Variants in DIAPH3 observed in about 807,000 individuals in gnomAD.
The protein encoded by DIAPH3 is protein diaphanous homolog 3.
DIAPH3 carries 117 observed loss-of-function variants against 144.3 expected under a neutral mutation model. The ratio of observed to expected loss-of-function variants is 0.81; its 90% CI spans 0.70 to 0.95. The LOEUF (loss-of-function observed/expected upper bound fraction) is 0.95. Ranked by LOEUF, DIAPH3 falls within the 40% of genes least tolerant of loss-of-function variation. The pLI, the probability that DIAPH3 is intolerant of heterozygous loss-of-function variation, is 0.00. For synonymous variants in DIAPH3, 519 were observed against 488.9 expected (o/e 1.06, Z -0.81); for missense variants, 1,421 against 1,412.7 (o/e 1.01, Z -0.09).
At chr13:59,857,198 C>A (rs2043307754) in intron 22 of DIAPH3, among the ~76,000 whole-genome samples, 1 of 152,048 alleles carries the variant, frequency 6.6e-6, no homozygotes. Flanking sequence ...TTGGTTATAG[C>A]AGATAAATTT....
At chr13:60,160,129 C>A (rs1952222780) in intron 1 of DIAPH3, among the ~76,000 whole-genome samples, 1 of 152,052 alleles carries the variant, frequency 6.6e-6, no homozygotes, top group Non-Finnish European at 1.5e-5. Context: ...GAGGCTGAGG[C>A]AGGAGAATGG....
chr13:59,970,133 C>T (rs971201568), intron 16 of DIAPH3, 75 bp from the exon 17 acceptor site: 1 of 737,050 alleles, frequency 1.4e-6, no homozygotes, highest in Non-Finnish European at 2.3e-6. Flanking sequence ...TATGCATACA[C>T]TGAGTATCAT....
intron 13 of DIAPH3, 66 bp from the exon 14 acceptor site, chr13:59,980,925 T>A: frequency 1.5e-6 from 2 of 1,335,816 alleles, no homozygotes; most frequent in African/African-American, 1.5e-5. Context: ...CTTCAAAAGT[T>A]TAGAAAGAAA....
At chr13:59,815,573 C>T (rs1296447787) in intron 24 of DIAPH3, among the ~76,000 whole-genome samples, 1 of 151,916 alleles carries the variant, frequency 6.6e-6, no homozygotes, top group African/African-American at 2.4e-5. Flanking sequence ...TAAATGGTGC[C>T]TTCTTCAAAA....
At chr13:59,837,202 T>C (rs1358303711) in intron 23 of DIAPH3, among the ~76,000 whole-genome samples, 1 of 152,070 alleles carries the variant, frequency 6.6e-6, no homozygotes, top group African/African-American at 2.4e-5. Context: ...TAGAGGCTTC[T>C]AGGTTGTGAT....
At chr13:59,880,392 T>G (rs1293387231) in intron 20 of DIAPH3, among the ~76,000 whole-genome samples, 1 of 152,018 alleles carries the variant, frequency 6.6e-6, no homozygotes, top group Non-Finnish European at 1.5e-5. Context: ...ATTGTAAATA[T>G]CAAAAGCAGG....
Position 60,078,978 on chromosome 13 carries a change from C to T in DIAPH3, c.495+14650G>A, listed in dbSNP as rs548128661. On this transcript the variant is annotated intron_variant, in intron 4 of 27. Transcript: ENST00000400324. ...CAGGGCTAAGAGATACAGAAAGAAC[C>T]GATCCTTAGGTCATTTGAGAACCCA... 1.3e-4 allele frequency among the ~76,000 whole-genome samples: 19 copies of T among 151,876 alleles called. No homozygotes were observed. In the East Asian group the frequency reaches 3.5e-3, roughly 28 times the overall value.
chr13:59,950,132 T>C (rs2049023714), intron 17 of DIAPH3, among the ~76,000 whole-genome samples: 1 of 102,936 alleles, frequency 9.7e-6, no homozygotes, highest in African/African-American at 3.8e-5. Flanking sequence ...TGTGACAATA[T>C]AATATTTTAA....
intron 20 of DIAPH3, among the ~76,000 whole-genome samples, chr13:59,887,432 G>A (rs983617582): frequency 2.0e-5 from 3 of 151,814 alleles, no homozygotes; most frequent in Non-Finnish European, 2.9e-5. Flanking sequence ...CTTTTTCAGC[G>A]CTTCATTTTC....
chr13:59,999,019 G>T (rs2052371217), intron 9 of DIAPH3, among the ~76,000 whole-genome samples: 1 of 152,028 alleles, frequency 6.6e-6, no homozygotes, highest in South Asian at 2.1e-4. Flanking sequence ...AGTAAATCAA[G>T]ATATAACTGT....
intron 2 of DIAPH3, among the ~76,000 whole-genome samples, chr13:60,131,435 C>CA (rs777909368): frequency 0.074 from 2,116 of 28,750 alleles, 181 homozygotes; most frequent in African/African-American, 0.096. Context: ...GACCCTGTCT[C>CA]AAAAAAAAAA....
At chr13:60,114,979 T>C (rs2138090035) in intron 2 of DIAPH3, among the ~76,000 whole-genome samples, 1 of 152,270 alleles carries the variant, frequency 6.6e-6, no homozygotes, top group East Asian at 1.9e-4. Context: ...CTCCTGTTAA[T>C]GGGAAACCTT....
At chr13:59,955,535 T>A (rs2049352572) in intron 17 of DIAPH3, among the ~76,000 whole-genome samples, 2 of 152,148 alleles carry the variant, frequency 1.3e-5, no homozygotes, top group African/African-American at 4.8e-5. Flanking sequence ...ATTAGCAGCA[T>A]GAGAAGCGAC....
intron 5 of DIAPH3, among the ~76,000 whole-genome samples, chr13:60,024,214 T>G (rs1566673782): frequency 6.6e-6 from 1 of 152,118 alleles, no homozygotes; most frequent in Non-Finnish European, 1.5e-5. Context: ...CTCTCAAGTC[T>G]CCAATGACAA....
chr13:59,921,546 C>G (rs567938556), intron 18 of DIAPH3, among the ~76,000 whole-genome samples: 7 of 151,680 alleles, frequency 4.6e-5, no homozygotes, highest in African/African-American at 1.7e-4. Flanking sequence ...AATACAATAC[C>G]TGAATAAACC....
At chr13:59,746,055 T>C (rs1248604885) in intron 27 of DIAPH3, among the ~76,000 whole-genome samples, 2 of 152,248 alleles carry the variant, frequency 1.3e-5, no homozygotes, top group Non-Finnish European at 2.9e-5. Context: ...TGTTGTATAT[T>C]ACATTTATTT....
intron 4 of DIAPH3, among the ~76,000 whole-genome samples, chr13:60,074,371 A>G (rs1343754001): frequency 1.3e-5 from 2 of 152,192 alleles, no homozygotes; most frequent in Admixed American, 6.5e-5. Context: ...TTAGGCTAAA[A>G]TCAAGGAGCA....
At position 59,665,957 on chromosome 13, in the gene DIAPH3, T is replaced by G. The variant is rs2031986047; in HGVS notation, c.*627A>C. 1 of 152,244 alleles carries G rather than the reference T, an allele frequency of 6.6e-6. No individual in the cohort carries two copies. Among genetic ancestry groups the G allele is most frequent in the Non-Finnish European group, 1.5e-5 (1 of 68,050 alleles). The allele number at this position is 152,244 out of a possible 1,614,324, so 9.4% of individuals were successfully genotyped here. On this transcript the variant is annotated 3_prime_UTR_variant, in exon 28 of 28. Coordinates refer to ENST00000400324, the MANE Select transcript of DIAPH3 (RefSeq NM_001042517.2). ...GTGCATACATTCTTATTGCATCATT[T>G]TTCGTTATGTGCTCAATTGCCTTAT...
chr13:59,870,441 T>C (rs1239554071), intron 21 of DIAPH3, among the ~76,000 whole-genome samples: 2 of 152,078 alleles, frequency 1.3e-5, no homozygotes, highest in Non-Finnish European at 2.9e-5. Context: ...TCTTCAGTAT[T>C]GTGTTAGCTA....
Sources: allele counts gnomAD v4.1 joint callset (sites outside exome capture counted in the v4.1 genomes callset), GRCh38; gene constraint gnomAD v4.1.1; transcripts MANE v1.5; gene names NCBI Gene and HGNC (gene_info 2026-07-23, HGNC 2026-07-21).